Variants in TYR observed in about 807,000 individuals in gnomAD.
TYR encodes LB24-AB.
TYR carries 58 observed loss-of-function variants against 51.5 expected under a neutral mutation model. The observed-to-expected ratio is 1.13, with a 90% confidence interval of 0.91 to 1.40. The LOEUF is 1.40. TYR is among the 40% of genes most tolerant of loss of function. The pLI, the probability that TYR is intolerant of heterozygous loss-of-function variation, is 0.00. For synonymous variants in TYR, 263 were observed against 235.2 expected (o/e 1.12, Z -1.08); for missense variants, 732 against 647.4 (o/e 1.13, Z -1.42).
rs913561311 is a variant in TYR at position 89,240,334 on chromosome 11, A to C, written c.1184+12364A>C. On this transcript the variant is annotated intron_variant, in intron 3 of 4. Coordinates refer to ENST00000263321, the MANE Select transcript of TYR (RefSeq NM_000372.5). ...TATCTAAAACCTATCCTATCACCTA[A>C]AAAATATTCAGAAAATACAAAAAGT... 5.9e-5 allele frequency among the ~76,000 whole-genome samples: 9 copies of C among 152,298 alleles called. No homozygotes were observed. In the South Asian group the frequency reaches 8.3e-4, roughly 14 times the overall value.
At chr11:89,293,356 C>T (rs1187387958) in intron 4 of TYR, among the ~76,000 whole-genome samples, 2 of 151,620 alleles carry the variant, frequency 1.3e-5, no homozygotes, top group African/African-American at 2.4e-5. Flanking sequence ...CACACACACA[C>T]ACACACACAC....
chr11:89,197,103 A>G (rs1362028553), intron 2 of TYR, among the ~76,000 whole-genome samples: 1 of 152,180 alleles, frequency 6.6e-6, no homozygotes, highest in Non-Finnish European at 1.5e-5. Flanking sequence ...CACTGAGCAG[A>G]GAAGAGGAGG....
At chr11:89,200,242 A>G (rs967992853) in intron 2 of TYR, 1 of 151,876 alleles carries the variant, frequency 6.6e-6, no homozygotes, top group Admixed American at 6.6e-5. Context: ...TGCCTCGCTA[A>G]TTTTTTTGTA....
intron 3 of TYR, among the ~76,000 whole-genome samples, chr11:89,258,448 A>G (rs964413632): frequency 1.5e-5 from 2 of 134,954 alleles, no homozygotes; most frequent in African/African-American, 6.4e-5. Flanking sequence ...GAAAATGTGC[A>G]AAAAAAAAAA....
At chr11:89,249,708 G>A (rs1944309412) in intron 3 of TYR, among the ~76,000 whole-genome samples, 1 of 152,006 alleles carries the variant, frequency 6.6e-6, no homozygotes, top group Admixed American at 6.6e-5. Flanking sequence ...GCAGGAAAGA[G>A]GATATGAACA....
At chr11:89,204,850 T>G (rs11018532) in intron 2 of TYR, among the ~76,000 whole-genome samples, 32,467 of 149,640 alleles carry the variant, frequency 0.22, 5,070 homozygotes, top group African/African-American at 0.45. Flanking sequence ...ACAGCAGACG[T>G]TAACACTGAA....
intron 3 of TYR, among the ~76,000 whole-genome samples, chr11:89,243,451 C>G (rs1373752877): frequency 6.6e-6 from 1 of 152,230 alleles, no homozygotes; most frequent in Admixed American, 6.5e-5. Context: ...GGTCCTTACT[C>G]CAGTCTTTTG....
chr11:89,229,268 A>T (rs1222238182), intron 3 of TYR, among the ~76,000 whole-genome samples: 1 of 151,898 alleles, frequency 6.6e-6, no homozygotes, highest in Admixed American at 6.6e-5. Flanking sequence ...TTTATTCAGA[A>T]ATCAGTGTAT....
intron 2 of TYR, 132 bp downstream of exon 2, chr11:89,191,550 T>A (rs1943446730): frequency 1.2e-6 from 1 of 835,534 alleles, no homozygotes. Context: ...TATATACTTA[T>A]ATCGACAATG....
chr11:89,231,233 T>C (rs951552533), intron 3 of TYR, among the ~76,000 whole-genome samples: 22 of 148,158 alleles, frequency 1.5e-4, no homozygotes, highest in Non-Finnish European at 3.1e-4. Flanking sequence ...TAAATTAATA[T>C]AGTCATTTGG....
At chr11:89,290,543 G>A (rs1374981834) in intron 4 of TYR, among the ~76,000 whole-genome samples, 1 of 151,978 alleles carries the variant, frequency 6.6e-6, no homozygotes, top group Non-Finnish European at 1.5e-5. Context: ...GCTAAGTATT[G>A]TAGTCCCATT....
At chr11:89,284,033 T>C (rs625401) in intron 3 of TYR, 151,416 of 151,898 alleles carry the variant, frequency 1, 75,468 homozygotes, top group Middle Eastern at 1. Context: ...GCAATGGATT[T>C]CTTTGCTGGT....
chr11:89,231,400 T>G lies in TYR; in HGVS notation c.1184+3430T>G, dbSNP rs1319625627. On this transcript the variant is annotated intron_variant, in intron 3 of 4. Coordinates refer to ENST00000263321, the MANE Select transcript of TYR (RefSeq NM_000372.5). ...CAAGATACAAAACCAACCCAAATAT[T>G]GATAACGATGGATAGATTAAGAAAA... 1.9e-5 allele frequency among the ~76,000 whole-genome samples: 2 copies of G among 107,582 alleles called. 1 individual carries two copies. Among genetic ancestry groups the G allele is most frequent in the Non-Finnish European group, 3.7e-5 (2 of 54,530 alleles). The allele number at this position is 107,582 out of a possible 152,430, so 70.6% of individuals were successfully genotyped here.
intron 3 of TYR, among the ~76,000 whole-genome samples, chr11:89,241,843 T>G (rs1295797960): frequency 2.0e-5 from 3 of 148,456 alleles, no homozygotes; most frequent in Non-Finnish European, 3.0e-5. Flanking sequence ...ATATATTTCA[T>G]ATTAATATAA....
chr11:89,292,857 T>G (rs2135330656), intron 4 of TYR, among the ~76,000 whole-genome samples: 1 of 152,306 alleles, frequency 6.6e-6, no homozygotes, highest in Admixed American at 6.5e-5. Context: ...AAGCCAAGTC[T>G]TAGACATCCC....
intron 3 of TYR, among the ~76,000 whole-genome samples, chr11:89,278,579 T>A (rs936376024): frequency 6.6e-6 from 1 of 151,622 alleles, no homozygotes; most frequent in Non-Finnish European, 1.5e-5. Context: ...TAAGGCTTCC[T>A]TGTTTGTTCT....
intron 3 of TYR, among the ~76,000 whole-genome samples, chr11:89,228,883 A>T (rs1021375121): frequency 6.6e-6 from 1 of 152,142 alleles, no homozygotes; most frequent in African/African-American, 2.4e-5. Flanking sequence ...TTTCAAGAAG[A>T]AAGGAGAAAA....
At chr11:89,259,969 C>T (rs1456784116) in intron 3 of TYR, among the ~76,000 whole-genome samples, 1 of 151,918 alleles carries the variant, frequency 6.6e-6, no homozygotes, top group Non-Finnish European at 1.5e-5. Flanking sequence ...AATTCCTGGC[C>T]CTGCCATTTA....
intron 3 of TYR, among the ~76,000 whole-genome samples, chr11:89,281,713 T>C (rs1252314119): frequency 6.6e-6 from 1 of 151,784 alleles, no homozygotes; most frequent in African/African-American, 2.4e-5. Context: ...TCTATTTTGT[T>C]CTTATTTTAA....
Sources: gnomAD v4.1 joint callset for allele counts (sites outside exome capture counted in the v4.1 genomes callset) on GRCh38, gnomAD v4.1.1 for gene constraint, MANE v1.5 for transcripts, NCBI Gene and HGNC (gene_info 2026-07-23, HGNC 2026-07-21) for gene names.